Variants in CAGE1 observed in about 807,000 individuals in gnomAD.
CAGE1 encodes cancer-associated gene 1 protein.
A neutral mutation model predicts 94.9 loss-of-function variants in CAGE1; 66 were observed. That is an observed-to-expected ratio of 0.70 (90% confidence interval 0.57 to 0.85). The LOEUF is 0.85. CAGE1 is among the 40% of genes least tolerant of loss of function. The probability of loss-of-function intolerance (pLI) is 0.00; values close to 1 mark genes in which losing one functional copy is unlikely to be tolerated. For missense variants in CAGE1, 865 were observed against 950.4 expected, an observed-to-expected ratio of 0.91 and a Z score of 1.18; for synonymous variants, 319 against 321.0, an observed-to-expected ratio of 0.99 and a Z score of 0.07.
chr6:7,366,734 C>T (rs1004255245), intron 7 of CAGE1, among the ~76,000 whole-genome samples: 3 of 151,958 alleles, frequency 2.0e-5, no homozygotes, highest in African/African-American at 7.3e-5. Flanking sequence ...TGTGCCTTTC[C>T]CTCGGCTGAT....
intron 12 of CAGE1, among the ~76,000 whole-genome samples, chr6:7,332,943 T>C (rs970812163): frequency 6.6e-6 from 1 of 152,070 alleles, no homozygotes; most frequent in Non-Finnish European, 1.5e-5. Context: ...ACTGCTGTGT[T>C]CTTTTTTTTT....
At chr6:7,386,004 T>C in intron 2 of CAGE1, 132 bp from the exon 3 acceptor site, 1 of 486,510 alleles carries the variant, frequency 2.1e-6, no homozygotes. Context: ...TTCTAGTATC[T>C]TTCCCCAGCA....
At chr6:7,342,612 T>G (rs1759226458) in intron 11 of CAGE1, among the ~76,000 whole-genome samples, 1 of 152,250 alleles carries the variant, frequency 6.6e-6, no homozygotes, top group Non-Finnish European at 1.5e-5. Context: ...AAACTGTCCT[T>G]GACTGTCAGT....
chr6:7,345,149 G>A (rs202108007), intron 11 of CAGE1, among the ~76,000 whole-genome samples: 5 of 42,550 alleles, frequency 1.2e-4, no homozygotes, highest in African/African-American at 6.7e-4. Flanking sequence ...TAGGAGCTAG[G>A]TCCATATTGC....
chr6:7,342,597 T>C (rs545095666), intron 11 of CAGE1, among the ~76,000 whole-genome samples: 22 of 152,354 alleles, frequency 1.4e-4, no homozygotes, highest in African/African-American at 5.1e-4. Flanking sequence ...AAAGCCTCAC[T>C]GAACAAACTG....
At chr6:7,356,334 G>A (rs925498916) in intron 9 of CAGE1, among the ~76,000 whole-genome samples, 4 of 152,260 alleles carry the variant, frequency 2.6e-5, no homozygotes, top group East Asian at 1.9e-4. Context: ...TTATAATGGG[G>A]TTTTACCTTT....
intron 7 of CAGE1, among the ~76,000 whole-genome samples, chr6:7,366,234 A>C (rs934432028): frequency 8.8e-5 from 13 of 147,226 alleles, no homozygotes; most frequent in African/African-American, 3.4e-4. Context: ...CGACAGAGCA[A>C]GACTCTGTCT....
At chr6:7,345,044 C>T (rs981230299) in intron 11 of CAGE1, among the ~76,000 whole-genome samples, 2 of 152,186 alleles carry the variant, frequency 1.3e-5, no homozygotes, top group Non-Finnish European at 2.9e-5. Flanking sequence ...CCCAAGCCAG[C>T]AGCGGCAGAT....
intron 7 of CAGE1, 23 bp downstream of exon 7, chr6:7,368,665 T>A (rs1179785608): frequency 1.2e-5 from 15 of 1,202,574 alleles, no homozygotes; most frequent in Admixed American, 2.8e-5. Context: ...ATAAAATTTT[T>A]AGAAGAAGAA....
At chr6:7,374,795 T>A (rs1460054009) in intron 4 of CAGE1, among the ~76,000 whole-genome samples, 2 of 152,094 alleles carry the variant, frequency 1.3e-5, no homozygotes, top group African/African-American at 4.8e-5. Flanking sequence ...TTTGGGAGAC[T>A]GAGGTGGGTG....
intron 4 of CAGE1, among the ~76,000 whole-genome samples, chr6:7,376,764 G>T (rs1467359630): frequency 1.3e-5 from 2 of 152,032 alleles, no homozygotes. Flanking sequence ...GCTTCCTGTG[G>T]CCACAGGGTT....
chr6:7,371,976 C>T (rs775540522), intron 5 of CAGE1, among the ~76,000 whole-genome samples: 2 of 148,596 alleles, frequency 1.3e-5, no homozygotes, highest in Admixed American at 6.6e-5. Flanking sequence ...CCAGGTTCTT[C>T]GCTGCCAAAA....
At chr6:7,376,565 C>T (rs1370219152) in intron 4 of CAGE1, among the ~76,000 whole-genome samples, 4 of 152,014 alleles carry the variant, frequency 2.6e-5, no homozygotes, top group Non-Finnish European at 5.9e-5. Flanking sequence ...CCTCCAGAAC[C>T]GTGAGCCAGA....
chr6:7,370,398 A>G (rs1581690452), intron 5 of CAGE1, among the ~76,000 whole-genome samples: 1 of 152,026 alleles, frequency 6.6e-6, no homozygotes, highest in African/African-American at 2.4e-5. Flanking sequence ...GGCTCACACA[A>G]TCCTCCCACC....
chr6:7,385,961 T>C, intron 2 of CAGE1, 89 bp from the exon 3 acceptor site: 1 of 652,952 alleles, frequency 1.5e-6, no homozygotes, highest in Non-Finnish European at 2.5e-6. Context: ...AATTCTGCTA[T>C]TAGAATATTT....
chr6:7,338,474 G>A (rs1214880309), intron 11 of CAGE1, among the ~76,000 whole-genome samples: 3 of 152,064 alleles, frequency 2.0e-5, no homozygotes, highest in South Asian at 2.1e-4. Flanking sequence ...TTTGTCAAAC[G>A]GTTTTTCTGT....
intron 3 of CAGE1, among the ~76,000 whole-genome samples, chr6:7,379,779 CAAAGA>C (rs780292116): frequency 3.9e-5 from 6 of 152,050 alleles, no homozygotes; most frequent in Non-Finnish European, 7.4e-5. Flanking sequence ...ATAATCTTGC[CAAAGA>C]ATAAAGTTCC....
At chr6:7,333,389 G>A (rs1199740148) in intron 12 of CAGE1, among the ~76,000 whole-genome samples, 5 of 151,888 alleles carry the variant, frequency 3.3e-5, no homozygotes, top group Non-Finnish European at 5.9e-5. Context: ...TACAGAGCAG[G>A]GCAAGTAGTT....
At chr6:7,353,424 C>CT (rs573544833) in intron 11 of CAGE1, among the ~76,000 whole-genome samples, 254 of 152,234 alleles carry the variant, frequency 1.7e-3, no homozygotes, top group Non-Finnish European at 4.0e-4. Context: ...TCAGGGAACA[C>CT]TTCTACACTG....
Sources: allele counts gnomAD v4.1 joint callset (sites outside exome capture counted in the v4.1 genomes callset), GRCh38; gene constraint gnomAD v4.1.1; transcripts MANE v1.5; gene names NCBI Gene and HGNC (gene_info 2026-07-23, HGNC 2026-07-21).